The following ZFP62 variants were observed in gnomAD, a reference collection of about 807,000 sequenced individuals.
ZFP62 encodes ZFP62 zinc finger protein.
ZFP62 carries 44 observed loss-of-function variants against 56.4 expected under a neutral mutation model. The ratio of observed to expected loss-of-function variants is 0.78; its 90% CI spans 0.61 to 1.00. The LOEUF (loss-of-function observed/expected upper bound fraction) is 1.00. Among genes scored for constraint, ZFP62 ranks in the 50% least tolerant of loss-of-function variants. ZFP62 has a pLI of 0.00. For missense variants in ZFP62, 1,030 were observed against 1,085.7 expected (o/e 0.95, Z 0.72); for synonymous variants, 421 against 388.9 (o/e 1.08, Z -0.97).
chr5:180,861,239 G>GATGA lies in ZFP62; in HGVS notation c.-21_-20insTCAT. On this transcript the variant is annotated 5_prime_UTR_variant, in exon 1 of 2. Transcript: ENST00000502412. ...CGTACTGGCTGTGGCGGCGCCGCGG[G>GATGA]AACCCGGCCGCCAGCGGGACAAAAG... 1 of 397,862 alleles carries GATGA rather than the reference G, an allele frequency of 2.5e-6. No homozygotes were observed. The highest frequency in any genetic ancestry group is 4.4e-6 in the Non-Finnish European group (1 of 225,560). 24.6% of individuals were successfully genotyped at this position (397,862 alleles called of 1,614,324 possible). A position where few individuals can be genotyped will look rare whatever the true frequency, so the allele number is the denominator to read the frequency against.
the ZFP62 span, chr5:180,831,644 T>C: frequency 6.6e-6 from 1 of 152,518 alleles, no homozygotes; most frequent in Non-Finnish European, 1.5e-5. Flanking sequence ...CTGGCCGAGC[T>C]GCGCACACCC....
the ZFP62 span, among the ~76,000 whole-genome samples, chr5:180,836,854 T>A: frequency 6.6e-6 from 1 of 152,200 alleles, no homozygotes; most frequent in Non-Finnish European, 1.5e-5. Flanking sequence ...AGCATTCAAT[T>A]AATTTCCTGT....
At position 180,848,882 on chromosome 5, in the gene ZFP62, T is replaced by C. The variant is rs931551063; in HGVS notation, c.2613A>G (p.Ile871Met). 9 of 1,551,692 alleles carry C rather than the reference T, an allele frequency of 5.8e-6. No homozygotes were observed. Among genetic ancestry groups the C allele is most frequent in the South Asian group, 1.2e-5 (1 of 84,062 alleles). ...THTGEESLNV[I>M]YVGSYSGTSQ... ...ATGTGCCACTATAACTTCCCACATA[T>C]ATCACATTTAAAGATTCCTCTCCAG... is the stretch of plus-strand genomic sequence containing the variant. Residue 871 changes from isoleucine to methionine, a missense_variant, in exon 2 of 2, where the codon ATA becomes ATG. By Grantham distance (10) the Ile-to-Met change is conservative. Coordinates refer to ENST00000502412, the MANE Select transcript of ZFP62 (RefSeq NM_001172638.2).
At position 180,856,835 on chromosome 5, in the gene ZFP62, C is replaced by T. The variant is rs149685626; in HGVS notation, c.1+4384G>A. Among the ~76,000 whole-genome samples, 814 of 151,204 alleles carry T rather than the reference C, an allele frequency of 5.4e-3. 6 individuals carry two copies. Among genetic ancestry groups the T allele is most frequent in the African/African-American group, 0.019 (772 of 41,166 alleles). On this transcript the variant is annotated intron_variant, in intron 1 of 1. Coordinates refer to ENST00000502412, the MANE Select transcript of ZFP62 (RefSeq NM_001172638.2). ...CGGGCATGGTGGTGGGCGCCTGTAG[C>T]TCCAGCTACTAGGGAGGCTGAGGCA...
At chr5:180,854,866 TAA>T (rs949972608) in intron 1 of ZFP62, among the ~76,000 whole-genome samples, 2 of 152,332 alleles carry the variant, frequency 1.3e-5, no homozygotes, top group African/African-American at 4.8e-5. Context: ...TAAAGAAGGC[TAA>T]AGAGACTTGA....
chr5:180,847,889 C>G lies in ZFP62; in HGVS notation c.*903G>C. On this transcript the variant is annotated 3_prime_UTR_variant, in exon 2 of 2. Coordinates refer to ENST00000502412, the MANE Select transcript of ZFP62 (RefSeq NM_001172638.2). ...TAAAATGCGTTCCTTCTCAGCATTT[C>G]TATTCATAGGAATCCCTGAATCACT... 1 of 985,460 alleles carries G rather than the reference C, an allele frequency of 1.0e-6. No individual in the cohort carries two copies. The highest frequency in any genetic ancestry group is 1.2e-6 in the Non-Finnish European group (1 of 829,940). The allele number at this position is 985,460 out of a possible 1,614,324, so 61.0% of individuals were successfully genotyped here.
chr5:180,831,637 G>T, the ZFP62 span: 1 of 152,728 alleles, frequency 6.5e-6, no homozygotes, highest in Non-Finnish European at 1.5e-5. Flanking sequence ...GCGGGGCCTG[G>T]CCGAGCTGCG....
At chr5:180,842,201 G>A in the ZFP62 span, among the ~76,000 whole-genome samples, 1 of 152,190 alleles carries the variant, frequency 6.6e-6, no homozygotes, top group South Asian at 2.1e-4. Flanking sequence ...TGGGTAAGGA[G>A]TAGGGGACAA....
chr5:180,854,400 A>G (rs1472207604), intron 1 of ZFP62, among the ~76,000 whole-genome samples: 1 of 152,244 alleles, frequency 6.6e-6, no homozygotes, highest in Non-Finnish European at 1.5e-5. Context: ...TTACAGCAGA[A>G]TGTGAGTGCT....
rs928838368 is a variant in ZFP62 at position 180,848,826 on chromosome 5, G to A, written c.2669C>T (p.Ala890Val). 3.2e-6 allele frequency: 5 copies of A among 1,544,226 alleles called. No individual in the cohort carries two copies. The highest frequency in any genetic ancestry group is 2.5e-5 in the East Asian group (1 of 40,708). Residue 890 changes from alanine (A) to valine (V), a missense_variant, in exon 2 of 2, where the codon GCC (alanine) becomes GTC (valine). Physicochemically the swap from Ala to Val is moderately conservative, Grantham distance 64. Coordinates refer to ENST00000502412, the MANE Select transcript of ZFP62 (RefSeq NM_001172638.2). ...CATCCTCATCCTGCCCCCATCCAGG[G>A]CATTCCCTCCCTCATAGGTTCTCTT... ...SQKRTYEGGN[A>V]LDGGRMRMPL
At chr5:180,827,020 C>T in the ZFP62 span, among the ~76,000 whole-genome samples, 8 of 152,170 alleles carry the variant, frequency 5.3e-5, no homozygotes, top group Admixed American at 5.2e-4. Flanking sequence ...TGTAGAGGTT[C>T]TCAAACTGTG....
At position 180,850,173 on chromosome 5, in the gene ZFP62, G is replaced by C; in HGVS notation, c.1322C>G (p.Thr441Ser). The change falls in exon 2 of 2, where the codon ACT becomes AGT. Residue 441 changes from threonine to serine, a missense_variant. Physicochemically the swap from Thr to Ser is moderately conservative, Grantham distance 58. Coordinates refer to ENST00000502412, the MANE Select transcript of ZFP62 (RefSeq NM_001172638.2). Reference sequence around the variant, plus strand: ...ATAAGGTCTCTCTCCGGTATGAATAGTTCTGTGTTGAAGAAGTAGTGAGTT... The same window carrying C: ...ATAAGGTCTCTCTCCGGTATGAATACTTCTGTGTTGAAGAAGTAGTGAGTT... ...SYNSLLLQHRTIHTGERPYVC... is the reference protein window; with the variant it reads ...SYNSLLLQHRSIHTGERPYVC... 1 of 1,551,822 alleles carries C rather than the reference G, an allele frequency of 6.4e-7. No individual in the cohort carries two copies. The highest frequency in any genetic ancestry group is 8.7e-7 in the Non-Finnish European group (1 of 1,147,044).
chr5:180,855,211 G>A (rs943906042), intron 1 of ZFP62, among the ~76,000 whole-genome samples: 1 of 152,140 alleles, frequency 6.6e-6, no homozygotes, highest in African/African-American at 2.4e-5. Context: ...CTGAGTGATG[G>A]GAATCTTTTT....
intron 1 of ZFP62, among the ~76,000 whole-genome samples, chr5:180,853,107 T>C (rs954399267): frequency 6.6e-6 from 1 of 152,146 alleles, no homozygotes; most frequent in South Asian, 2.1e-4. Flanking sequence ...TCCAACAATA[T>C]AAAAAACATA....
the ZFP62 span, among the ~76,000 whole-genome samples, chr5:180,839,355 A>G: frequency 2.6e-5 from 4 of 152,170 alleles, no homozygotes; most frequent in African/African-American, 9.7e-5. Flanking sequence ...TTAAAGCACA[A>G]ATTACTTAGT....
chr5:180,829,622 TTCTA>T, the ZFP62 span, among the ~76,000 whole-genome samples: 18 of 152,340 alleles, frequency 1.2e-4, no homozygotes, highest in East Asian at 3.9e-4. Flanking sequence ...CCCCCGATAG[TTCTA>T]TCTAAATTTT....
chr5:180,833,342 G>A, the ZFP62 span, among the ~76,000 whole-genome samples: 1 of 151,954 alleles, frequency 6.6e-6, no homozygotes, highest in African/African-American at 2.4e-5. Flanking sequence ...AACCAGGTGT[G>A]GCAGCGGGTG....
At chr5:180,836,997 T>C in the ZFP62 span, among the ~76,000 whole-genome samples, 11 of 152,362 alleles carry the variant, frequency 7.2e-5, no homozygotes, top group Middle Eastern at 3.4e-3. Flanking sequence ...TGCAGATACA[T>C]GTGTAGCCAC....
At position 180,847,888 on chromosome 5, in the gene ZFP62, T is replaced by C; in HGVS notation, c.*904A>G. On this transcript the variant is annotated 3_prime_UTR_variant, in exon 2 of 2. Transcript: ENST00000502412. ...ATAAAATGCGTTCCTTCTCAGCATT[T>C]CTATTCATAGGAATCCCTGAATCAC... The C allele has an allele frequency of 1.0e-6, 1 of 985,478 alleles. No homozygotes were observed. 61.0% of individuals were successfully genotyped at this position (985,478 alleles called of 1,614,324 possible). A position where few individuals can be genotyped will look rare whatever the true frequency, so the allele number is the denominator to read the frequency against.
Sources: allele counts gnomAD v4.1 joint callset (sites outside exome capture counted in the v4.1 genomes callset), GRCh38; gene constraint gnomAD v4.1.1; transcripts MANE v1.5; gene names NCBI Gene and HGNC (gene_info 2026-07-23, HGNC 2026-07-21).